The following SUCLG2 variants were observed in gnomAD, a reference collection of about 807,000 sequenced individuals.
SUCLG2 encodes the protein succinate-CoA ligase GDP-forming subunit beta.
Under a neutral mutation model 47.9 loss-of-function variants are expected in SUCLG2, and 42 were observed. That is an observed-to-expected ratio of 0.88 (90% CI 0.69 to 1.14). SUCLG2 has a LOEUF of 1.14. Ranked by LOEUF, SUCLG2 falls within the 50% of genes most tolerant of loss-of-function variation. The pLI is 0.00. For missense variants in SUCLG2, 571 were observed against 525.9 expected (o/e 1.09, Z -0.84); for synonymous variants, 195 against 197.3 (o/e 0.99, Z 0.10).
At chr3:67,369,967 T>A (rs1406183569), downstream of SUCLG2, among the ~76,000 whole-genome samples, 2 of 152,216 alleles carry the variant, frequency 1.3e-5, no homozygotes, top group Admixed American at 6.5e-5. Flanking sequence ...TCTACTTTCT[T>A]ATATTTTTGT....
chr3:67,572,358 A>G (rs1453250001), intron 2 of SUCLG2, among the ~76,000 whole-genome samples: 4 of 152,198 alleles, frequency 2.6e-5, no homozygotes, highest in Admixed American at 2.6e-4. Context: ...GGCCAAATGG[A>G]TGAAAAAATA....
rs368886408 is a variant in SUCLG2, at chr3:67,428,444, G to A, written c.1063-27593C>T. On this transcript the variant is annotated intron_variant, in intron 9 of 10. Transcript: ENST00000307227. Reference sequence around the variant, plus strand: ...ATCCACACCGAAACCCCATCTGTGCGTCACCATCATCAAAGACCAAAGGTA... The same window carrying A: ...ATCCACACCGAAACCCCATCTGTGCATCACCATCATCAAAGACCAAAGGTA... Among the ~76,000 whole-genome samples the A allele has an allele frequency of 7.9e-5, 12 of 152,238 alleles. No homozygotes were observed. The East Asian group carries it at 1.4e-3, about 17-fold the overall frequency.
At chr3:67,476,505 T>C (rs539427926) in intron 9 of SUCLG2, among the ~76,000 whole-genome samples, 6 of 152,140 alleles carry the variant, frequency 3.9e-5, no homozygotes, top group Non-Finnish European at 8.8e-5. Context: ...TTCTACATTA[T>C]GGTGAGCTGT....
intron 9 of SUCLG2, among the ~76,000 whole-genome samples, chr3:67,452,237 A>C (rs1272491879): frequency 2.0e-5 from 3 of 152,222 alleles, no homozygotes; most frequent in Admixed American, 6.5e-5. Context: ...AGAAAATCTC[A>C]TCCCTTTATA....
intron 6 of SUCLG2, 118 bp from the exon 7 acceptor site, chr3:67,509,021 G>C: frequency 1.4e-6 from 1 of 699,084 alleles, no homozygotes; most frequent in Non-Finnish European, 2.3e-6. Context: ...TAGGTTTTCT[G>C]AAGGGAAAAA....
chr3:67,542,854 A>G (rs762174027), intron 2 of SUCLG2, among the ~76,000 whole-genome samples: 1 of 152,108 alleles, frequency 6.6e-6, no homozygotes, highest in African/African-American at 2.4e-5. Flanking sequence ...AGACACTTGG[A>G]CTCCCACACA....
Position 67,433,689 on chromosome 3 carries a change from G to C in SUCLG2, c.1063-32838C>G, listed in dbSNP as rs147966445. Among the ~76,000 whole-genome samples, 18 of 152,222 alleles carry C rather than the reference G, an allele frequency of 1.2e-4. No homozygotes were observed. The East Asian group carries it at 3.5e-3, about 29-fold the overall frequency. On this transcript the variant is annotated intron_variant, in intron 9 of 10. Transcript: ENST00000307227. ...AACTGCTCAAATGCCCAGAGGGATA[G>C]AGAGTTCCTAGCAGAATTAATAATA...
At chr3:67,443,163 G>A (rs949962950) in intron 9 of SUCLG2, among the ~76,000 whole-genome samples, 2 of 152,112 alleles carry the variant, frequency 1.3e-5, no homozygotes, top group Non-Finnish European at 2.9e-5. Context: ...ATGTGTCTAG[G>A]TTATATGCAT....
At chr3:67,423,813 A>AAC (rs1703233638) in intron 9 of SUCLG2, among the ~76,000 whole-genome samples, 1 of 152,184 alleles carries the variant, frequency 6.6e-6, no homozygotes, top group South Asian at 2.1e-4. Context: ...TTGCTCCTAA[A>AAC]ACACCATTAT....
chr3:67,374,891 A>G lies in SUCLG2; in HGVS notation c.*853T>C. 3.0e-6 allele frequency: 3 copies of G among 985,334 alleles called. No homozygotes were observed. The highest frequency in any genetic ancestry group is 3.6e-6 in the Non-Finnish European group (3 of 829,858). The allele number at this position is 985,334 out of a possible 1,614,324, so 61.0% of individuals were successfully genotyped here. A position where few individuals can be genotyped will look rare whatever the true frequency, so the allele number is the denominator to read the frequency against. On this transcript the variant is annotated 3_prime_UTR_variant, in exon 11 of 11. Transcript: ENST00000307227. ...CTACCATAAACTGGTAGATTCTGGG[A>G]GGATGAGGAGTAAGAGAGAAACGAG...
intron 10 of SUCLG2, among the ~76,000 whole-genome samples, chr3:67,399,182 TA>T (rs150131579): frequency 0.072 from 10,842 of 150,418 alleles, 399 homozygotes; most frequent in Middle Eastern, 0.14. Context: ...AATAATAAAA[TA>T]AAAAAAAAGA....
intron 7 of SUCLG2, among the ~76,000 whole-genome samples, chr3:67,500,432 T>C (rs575647981): frequency 1.3e-5 from 2 of 152,342 alleles, no homozygotes; most frequent in Admixed American, 6.5e-5. Flanking sequence ...TATATGGAAG[T>C]TAATGTCTGC....
At chr3:67,428,058 G>C (rs1357011810) in intron 9 of SUCLG2, among the ~76,000 whole-genome samples, 1 of 152,174 alleles carries the variant, frequency 6.6e-6, no homozygotes, top group Non-Finnish European at 1.5e-5. Flanking sequence ...CTGAACAAAA[G>C]GCAGCAGGAA....
chr3:67,574,400 C>T (rs750431338), intron 2 of SUCLG2, among the ~76,000 whole-genome samples: 36 of 152,126 alleles, frequency 2.4e-4, no homozygotes, highest in Non-Finnish European at 4.7e-4. Context: ...GGAACAGAAT[C>T]GAGAGGCCAG....
chr3:67,645,179 G>A (rs140732523), intron 1 of SUCLG2, among the ~76,000 whole-genome samples: 3 of 151,892 alleles, frequency 2.0e-5, no homozygotes, highest in African/African-American at 4.8e-5. Context: ...TTCCTATAAA[G>A]TTTAACTCTG....
chr3:67,395,718 A>AT (rs1031263800), intron 10 of SUCLG2, among the ~76,000 whole-genome samples: 4 of 152,098 alleles, frequency 2.6e-5, no homozygotes, highest in Non-Finnish European at 4.4e-5. Context: ...CAGAATATAC[A>AT]TTTTTTTCAG....
chr3:67,565,864 A>G (rs944849261), intron 2 of SUCLG2, among the ~76,000 whole-genome samples: 1 of 152,232 alleles, frequency 6.6e-6, no homozygotes, highest in African/African-American at 2.4e-5. Flanking sequence ...TGTCACTTAA[A>G]GTACATTTTG....
chr3:67,454,961 CAAAA>C (rs61683854), intron 9 of SUCLG2, among the ~76,000 whole-genome samples: 2,952 of 111,448 alleles, frequency 0.026, 42 homozygotes, highest in Non-Finnish European at 0.038. Context: ...GACTCCGTCT[CAAAA>C]AAAAAAAAAA....
At chr3:67,623,091 C>T (rs1451331922) in intron 1 of SUCLG2, among the ~76,000 whole-genome samples, 1 of 150,064 alleles carries the variant, frequency 6.7e-6, no homozygotes, top group Non-Finnish European at 1.5e-5. Context: ...ATATATATAC[C>T]TATGTGTATG....
Sources: gnomAD v4.1 joint callset for allele counts (sites outside exome capture counted in the v4.1 genomes callset) on GRCh38, gnomAD v4.1.1 for gene constraint, MANE v1.5 for transcripts, NCBI Gene and HGNC (gene_info 2026-07-23, HGNC 2026-07-21) for gene names.